Variants in CCDC32 observed in about 807,000 individuals in gnomAD.
The protein encoded by CCDC32 is coiled-coil domain containing 32, also known as coiled-coil domain-containing protein 32.
A neutral mutation model predicts 20.1 loss-of-function variants in CCDC32; 9 were observed. The observed-to-expected ratio is 0.45, with a 90% CI of 0.27 to 0.78. CCDC32 has a LOEUF of 0.78. Ranked by LOEUF, CCDC32 falls within the 30% of genes least tolerant of loss-of-function variation. The pLI is 0.16. For missense variants in CCDC32, 204 were observed against 215.5 expected (o/e 0.95, Z 0.33); for synonymous variants, 63 against 79.0 (o/e 0.80, Z 1.07).
At chr15:40,547,020 T>A (rs1889649132) in intron 3 of CCDC32, among the ~76,000 whole-genome samples, 1 of 152,120 alleles carries the variant, frequency 6.6e-6, no homozygotes, top group African/African-American at 2.4e-5. Flanking sequence ...TGCAGTTTTT[T>A]AACTGAATGC....
chr15:40,524,723 G>A (rs1894877313), downstream of CCDC32, among the ~76,000 whole-genome samples: 1 of 144,192 alleles, frequency 6.9e-6, no homozygotes, highest in Admixed American at 6.8e-5. Flanking sequence ...AATTCATCAA[G>A]CTGTTCTTTT....
chr15:40,524,596 G>A (rs779959159), downstream of CCDC32, among the ~76,000 whole-genome samples: 36 of 152,140 alleles, frequency 2.4e-4, no homozygotes, highest in Non-Finnish European at 4.1e-4. Flanking sequence ...GTGGTTGCCT[G>A]GGGCTTATGG....
chr15:40,553,470 T>C lies in CCDC32; in HGVS notation c.*501A>G. The C allele has an allele frequency of 1.0e-6, 1 of 986,024 alleles. No homozygotes were observed. Among genetic ancestry groups the C allele is most frequent in the Non-Finnish European group, 1.2e-6 (1 of 830,414 alleles). The allele number at this position is 986,024 out of a possible 1,614,324, so 61.1% of individuals were successfully genotyped here. ...TGTTAGAGAAGCCCCAGATGGGGCTTGGATTCAAGGAGCAGACTTCACTCT... is the reference window on the plus strand; with the variant it reads ...TGTTAGAGAAGCCCCAGATGGGGCTCGGATTCAAGGAGCAGACTTCACTCT... On this transcript the variant is annotated 3_prime_UTR_variant, in exon 4 of 4. Transcript: ENST00000416810.
chr15:40,561,565 G>C (rs1890636838), intron 2 of CCDC32, among the ~76,000 whole-genome samples: 1 of 151,976 alleles, frequency 6.6e-6, no homozygotes, highest in Non-Finnish European at 1.5e-5. Context: ...GGTTTGGAGA[G>C]GGGTGAGGGA....
chr15:40,555,034 C>T (rs2278888), intron 3 of CCDC32, among the ~76,000 whole-genome samples: 32,093 of 152,166 alleles, frequency 0.21, 4,343 homozygotes, highest in East Asian at 0.67. Context: ...CCTACCTGGC[C>T]CTCACATACG....
At chr15:40,534,876 C>T (rs1566978566), downstream of CCDC32, 7 of 702,404 alleles carry the variant, frequency 1.0e-5, no homozygotes, top group East Asian at 1.9e-4. Flanking sequence ...TCCATTGCAC[C>T]ATCAAAGTGA....
At chr15:40,557,514 G>A (rs963353096) in intron 2 of CCDC32, 142 bp from the exon 3 acceptor site, 3 of 748,354 alleles carry the variant, frequency 4.0e-6, no homozygotes, top group Non-Finnish European at 6.1e-6. Flanking sequence ...ATTTTTTAAG[G>A]ACAGATAAAA....
downstream of CCDC32, among the ~76,000 whole-genome samples, chr15:40,527,253 C>A (rs1894910775): frequency 6.6e-6 from 1 of 152,160 alleles, no homozygotes; most frequent in Non-Finnish European, 1.5e-5. Context: ...TCACTGCAAC[C>A]TCTGCCTCCC....
chr15:40,522,772 C>A, the CCDC32 span, among the ~76,000 whole-genome samples: 101 of 151,530 alleles, frequency 6.7e-4, 2 homozygotes, highest in South Asian at 0.02. Context: ...CTTTGCAGTA[C>A]GGACAGTTGC....
At chr15:40,554,522 G>A (rs1407153392) in intron 3 of CCDC32, among the ~76,000 whole-genome samples, 2 of 152,178 alleles carry the variant, frequency 1.3e-5, no homozygotes, top group Non-Finnish European at 2.9e-5. Flanking sequence ...AATTATTATT[G>A]AGGCAGAAAT....
At chr15:40,563,912 C>T (rs1370293412) in intron 1 of CCDC32, among the ~76,000 whole-genome samples, 1 of 152,002 alleles carries the variant, frequency 6.6e-6, no homozygotes, top group Non-Finnish European at 1.5e-5. Flanking sequence ...CCTCCGCCTC[C>T]CGGGTTCACG....
intron 3 of CCDC32, among the ~76,000 whole-genome samples, chr15:40,545,986 A>G (rs1382507024): frequency 6.6e-6 from 1 of 152,128 alleles, no homozygotes; most frequent in Non-Finnish European, 1.5e-5. Flanking sequence ...TTATTGTCCC[A>G]CAGCTCTTAT....
downstream of CCDC32, chr15:40,539,140 G>A (rs1008068549): frequency 6.3e-5 from 62 of 987,726 alleles, no homozygotes; most frequent in Non-Finnish European, 8.2e-5. Flanking sequence ...GGAAGTAGTT[G>A]TTGCTGTTTC....
At chr15:40,551,243 G>A (rs1165934334), downstream of CCDC32, among the ~76,000 whole-genome samples, 3 of 152,050 alleles carry the variant, frequency 2.0e-5, no homozygotes, top group Non-Finnish European at 4.4e-5. Flanking sequence ...TTAGCCGGGC[G>A]TGGTGGTGGG....
chr15:40,542,429 C>A (rs997764816), intron 3 of CCDC32, among the ~76,000 whole-genome samples: 2 of 152,334 alleles, frequency 1.3e-5, no homozygotes, highest in African/African-American at 4.8e-5. Context: ...CACCCTGGAC[C>A]CCTCCTCTAG....
the CCDC32 span, among the ~76,000 whole-genome samples, chr15:40,523,492 G>A: frequency 2.4e-5 from 3 of 123,750 alleles, no homozygotes; most frequent in East Asian, 2.3e-4. Context: ...CAACAAGAGC[G>A]AAACTCCATC....
intron 1 of CCDC32, chr15:40,564,766 A>C (rs199660091): frequency 2.5e-6 from 4 of 1,614,014 alleles, no homozygotes; most frequent in Non-Finnish European, 3.4e-6. Context: ...CTTTGCTCAC[A>C]CCAGAGCCCC....
chr15:40,554,403 G>A lies in CCDC32; in HGVS notation c.402-276C>T, dbSNP rs1265946036. On this transcript the variant is annotated intron_variant, in intron 3 of 3. Coordinates refer to ENST00000416810, the MANE Select transcript of CCDC32 (RefSeq NM_001080792.4). ...AGCCTCTGAAGGCTTGATGAGAACC[G>A]CTGAAGAGTTTACGCCTCAGTCCTA... Among the ~76,000 whole-genome samples, 8 of 152,084 alleles carry A rather than the reference G, an allele frequency of 5.3e-5. No individual in the cohort carries two copies. The East Asian group carries it at 1.2e-3, about 22-fold the overall frequency.
downstream of CCDC32, among the ~76,000 whole-genome samples, chr15:40,530,069 A>C (rs1349643284): frequency 6.6e-6 from 1 of 150,988 alleles, no homozygotes; most frequent in Non-Finnish European, 1.5e-5. Flanking sequence ...AGGTGGGTGG[A>C]TCACCTGAGG....
Sources: allele counts gnomAD v4.1 joint callset (sites outside exome capture counted in the v4.1 genomes callset), GRCh38; gene constraint gnomAD v4.1.1; transcripts MANE v1.5; gene names NCBI Gene and HGNC (gene_info 2026-07-23, HGNC 2026-07-21).